The following FYCO1 variants were observed in gnomAD, a reference collection of about 807,000 sequenced individuals.
FYCO1 encodes FYVE and coiled-coil domain-containing protein 1.
FYCO1 carries 122 observed loss-of-function variants against 165.1 expected under a neutral mutation model. The observed-to-expected ratio is 0.74, with a 90% confidence interval of 0.64 to 0.86. The LOEUF (loss-of-function observed/expected upper bound fraction) is 0.86. FYCO1 is among the 40% of genes least tolerant of loss of function. The pLI is 0.00. For missense variants in FYCO1, 1,702 were observed against 1,810.3 expected, an observed-to-expected ratio of 0.94 and a Z score of 1.09; for synonymous variants, 648 against 742.5, an observed-to-expected ratio of 0.87 and a Z score of 2.07.
intron 14 of FYCO1, chr3:45,946,249 T>C (rs752247125): frequency 4.5e-5 from 22 of 489,394 alleles, no homozygotes; most frequent in Non-Finnish European, 7.7e-5. Context: ...ATCCTGAGAA[T>C]TTTCAGGCTA....
At chr3:45,922,427 AG>A (rs1703127109) in intron 17 of FYCO1, among the ~76,000 whole-genome samples, 1 of 152,178 alleles carries the variant, frequency 6.6e-6, no homozygotes, top group Non-Finnish European at 1.5e-5. Flanking sequence ...GCCACTGCAG[AG>A]TAGGAAATGG....
intron 14 of FYCO1, among the ~76,000 whole-genome samples, chr3:45,938,426 A>G (rs912221525): frequency 1.3e-5 from 2 of 152,250 alleles, no homozygotes; most frequent in Admixed American, 6.5e-5. Flanking sequence ...AAATAGAATA[A>G]AACAGAAAAT....
At chr3:45,929,817 G>A (rs114618463) in intron 16 of FYCO1, among the ~76,000 whole-genome samples, 72 of 152,272 alleles carry the variant, frequency 4.7e-4, no homozygotes, top group Non-Finnish European at 7.1e-4. Flanking sequence ...TGACAAAAGC[G>A]ATCCCTGCAT....
rs1231316765 is a variant in FYCO1, at chr3:45,919,942, TGGCC to T, written c.*1819_*1822del. On this transcript the variant is annotated 3_prime_UTR_variant, in exon 18 of 18. Coordinates refer to ENST00000296137, the MANE Select transcript of FYCO1 (RefSeq NM_024513.4). ...CCAGTACTAAGCATGGTCAGAGCCT[TGGCC>T]AGGAGAAGATGATTGAGCACCTGAT... 1.3e-5 allele frequency: 2 copies of T among 152,208 alleles called. No individual in the cohort carries two copies. The highest frequency in any genetic ancestry group is 2.4e-5 in the African/African-American group (1 of 41,450). 9.4% of individuals were successfully genotyped at this position (152,208 alleles called of 1,614,324 possible).
At chr3:45,970,576 C>G (rs1000513400) in intron 6 of FYCO1, among the ~76,000 whole-genome samples, 3 of 152,146 alleles carry the variant, frequency 2.0e-5, no homozygotes, top group East Asian at 3.8e-4. Flanking sequence ...CATGGGTTGG[C>G]ATTCTTTTTT....
At position 45,962,249 on chromosome 3, in the gene FYCO1, T is replaced by C. The variant is rs886058566; in HGVS notation, c.3413A>G (p.Glu1138Gly). 9.3e-6 allele frequency: 15 copies of C among 1,614,136 alleles called. No homozygotes were observed. Among genetic ancestry groups the C allele is most frequent in the Non-Finnish European group, 1.3e-5 (15 of 1,180,052 alleles). Reference protein sequence around the residue: ...DDLNRTKKYLEERLIELLRDK... With the variant: ...DDLNRTKKYLGERLIELLRDK... The stretch of plus-strand genomic sequence containing the variant: ...CCTGAGCAGCTCTATCAGCCGCTCC[T>C]CGAGATACTTCTTGGTTCTGTTGAG... The change falls in exon 11 of 18, where the codon GAG becomes GGG. Residue 1138 changes from glutamate to glycine, a missense_variant. Transcript: ENST00000296137. This position sits in a 1 kb window ranked among gnomAD's most constrained non-coding sequence, Gnocchi z 4.4.
intron 11 of FYCO1, among the ~76,000 whole-genome samples, chr3:45,960,689 C>T (rs897190174): frequency 1.3e-5 from 2 of 152,188 alleles, no homozygotes; most frequent in African/African-American, 4.8e-5. Context: ...ATTAGCATAT[C>T]TAGGCTTTGC....
At chr3:45,971,520 A>T (rs1281895732) in intron 6 of FYCO1, among the ~76,000 whole-genome samples, 1 of 152,254 alleles carries the variant, frequency 6.6e-6, no homozygotes, top group Non-Finnish European at 1.5e-5. Flanking sequence ...TAACCTCATT[A>T]GTAATGAAAC....
In FYCO1 at chr3:45,964,009, T is replaced by C. The variant is rs1323297393; in HGVS notation, c.3269+327A>G. On this transcript the variant is annotated intron_variant, in intron 10 of 17. Coordinates refer to ENST00000296137, the MANE Select transcript of FYCO1 (RefSeq NM_024513.4). The surrounding 1 kb of genome is among the most constrained non-coding windows in gnomAD (Gnocchi z 4.1). The stretch of plus-strand genomic sequence containing the variant: ...ACGTTTTCAGCATTATTTAAATACA[T>C]GCTGCTACTATTACCATTATTATTA... Among the ~76,000 whole-genome samples the C allele has an allele frequency of 6.6e-6, 1 of 152,232 alleles. No homozygotes were observed. Among genetic ancestry groups the C allele is most frequent in the Non-Finnish European group, 1.5e-5 (1 of 68,040 alleles).
chr3:45,984,838 C>G lies in FYCO1; in HGVS notation c.55+18G>C, dbSNP rs1707235340. The G allele has an allele frequency of 5.0e-6, 8 of 1,614,108 alleles. No individual in the cohort carries two copies. The highest frequency in any genetic ancestry group is 6.8e-6 in the Non-Finnish European group (8 of 1,179,936). On this transcript the variant is annotated intron_variant, in intron 2 of 17. Coordinates refer to ENST00000296137, the MANE Select transcript of FYCO1 (RefSeq NM_024513.4). The stretch of plus-strand genomic sequence containing the variant: ...GTCCCTCAAAACCAAACTCAGCCTG[C>G]CCAGCAACCTACCATACCTTGCAAG...
chr3:45,944,920 C>T (rs1309306449), intron 14 of FYCO1: 1 of 152,146 alleles, frequency 6.6e-6, no homozygotes, highest in African/African-American at 2.4e-5. Context: ...ATCATCTGAC[C>T]TACTTAATAC....
rs181498629 is a variant in FYCO1 at position 45,936,348 on chromosome 3, G to A, written c.4040+100C>T. 1.4e-3 allele frequency: 1,102 copies of A among 792,736 alleles called. 2 individuals are homozygous for A. Among genetic ancestry groups the A allele is most frequent in the Non-Finnish European group, 2.0e-3 (860 of 439,358 alleles). 49.1% of individuals were successfully genotyped at this position (792,736 alleles called of 1,614,324 possible). On this transcript the variant is annotated intron_variant, in intron 15 of 17. Transcript: ENST00000296137. ...ATAAACGAAGCCCCACTGGTATTAAGTTAGAGCCCCCGAGGTGGTCCCCAG... is the reference window on the plus strand; with the variant it reads ...ATAAACGAAGCCCCACTGGTATTAAATTAGAGCCCCCGAGGTGGTCCCCAG...
intron 1 of FYCO1, among the ~76,000 whole-genome samples, chr3:45,994,684 G>T (rs1234275684): frequency 4.4e-5 from 6 of 137,234 alleles, no homozygotes; most frequent in African/African-American, 1.6e-4. Flanking sequence ...CCCTCCAGCC[G>T]CATTAGGCAG....
At chr3:45,931,314 A>C in intron 15 of FYCO1, 33 bp from the exon 16 acceptor site, 1 of 1,603,810 alleles carries the variant, frequency 6.2e-7, no homozygotes, top group Non-Finnish European at 8.5e-7. Flanking sequence ...GACCTGATTG[A>C]CTGGGCAAAG....
intron 16 of FYCO1, 22 bp downstream of exon 16, chr3:45,931,049 C>G: frequency 1.2e-6 from 2 of 1,604,090 alleles, no homozygotes; most frequent in East Asian, 2.2e-5. Context: ...AAGGAGCCCA[C>G]AGGCAGGGAG....
At chr3:45,980,217 C>T (rs1305767540) in intron 3 of FYCO1, among the ~76,000 whole-genome samples, 2 of 151,956 alleles carry the variant, frequency 1.3e-5, no homozygotes, top group African/African-American at 4.8e-5. Context: ...GGTGTGGTGG[C>T]GGGCGCCTGT....
rs142618914 is a variant in FYCO1 at position 45,964,393 on chromosome 3, T to C, written c.3212A>G (p.Gln1071Arg). Residue 1071 changes from glutamine (Q) to arginine (R), a missense_variant, in exon 10 of 18, where the codon CAG (glutamine) becomes CGG (arginine). Coordinates refer to ENST00000296137, the MANE Select transcript of FYCO1 (RefSeq NM_024513.4). The surrounding 1 kb of genome is among the most constrained non-coding windows in gnomAD (Gnocchi z 4.1). ...SCTSNHLAEC[Q>R]AAMLRKDKEG... ...CTTGTCCTTCCTCAGCATGGCCGCCTGGCACTCTGCAAGATGGTTGCTAGT... is the reference window on the plus strand; with the variant it reads ...CTTGTCCTTCCTCAGCATGGCCGCCCGGCACTCTGCAAGATGGTTGCTAGT... 6.3e-4 allele frequency: 1,013 copies of C among 1,614,130 alleles called. 15 individuals are homozygous for C. In the African/African-American group the frequency reaches 0.012, roughly 19 times the overall value.
rs1366204310 is a variant in FYCO1 at position 45,921,564 on chromosome 3, C to A, written c.*201G>T. The A allele has an allele frequency of 3.4e-6, 2 of 588,870 alleles. No homozygotes were observed. Among genetic ancestry groups the A allele is most frequent in the Non-Finnish European group, 6.2e-6 (2 of 324,968 alleles). 36.5% of individuals were successfully genotyped at this position (588,870 alleles called of 1,614,324 possible). On this transcript the variant is annotated 3_prime_UTR_variant, in exon 18 of 18. Transcript: ENST00000296137. ...CTACTTAATGGAAACATTGCCTGAG[C>A]CCTTCAACGCCTCGGGGGCTAAGAG...
Position 45,969,773 on chromosome 3 carries a change from G to A in FYCO1, c.540-8C>T. On this transcript the variant is annotated splice_region_variant and splice_polypyrimidine_tract_variant and intron_variant, in intron 6 of 17. Transcript: ENST00000296137. ...CCAGTGGTCAGCGTCCTCCTGTGGG[G>A]CCACAAAACAGACATACCTGTATTC... The A allele has an allele frequency of 6.2e-7, 1 of 1,612,024 alleles. No individual in the cohort carries two copies.
Sources: gnomAD v4.1 joint callset for allele counts (sites outside exome capture counted in the v4.1 genomes callset) on GRCh38, gnomAD v4.1.1 for gene constraint, Gnocchi (gnomAD v3.1) non-coding constraint, MANE v1.5 for transcripts, NCBI Gene and HGNC (gene_info 2026-07-23, HGNC 2026-07-21) for gene names.